CCDC18: variants seen among roughly 807,000 people sequenced by gnomAD.
CCDC18 encodes the protein coiled-coil domain containing 18.
A neutral mutation model predicts 196.0 loss-of-function variants in CCDC18; 157 were observed. That is an observed-to-expected ratio of 0.80 (90% confidence interval 0.70 to 0.91). CCDC18 has a LOEUF of 0.91. Among genes scored for constraint, CCDC18 ranks in the 40% least tolerant of loss-of-function variants. CCDC18 has a pLI of 0.00. For synonymous variants in CCDC18, 482 were observed against 529.2 expected (o/e 0.91, Z 1.22); for missense variants, 1,465 against 1,611.6 (o/e 0.91, Z 1.56).
In CCDC18 at chr1:93,239,327, T is replaced by C. The variant is rs1557674462; in HGVS notation, c.2621T>C (p.Met874Thr). 3 of 1,593,094 alleles carry C rather than the reference T, an allele frequency of 1.9e-6. No individual in the cohort carries two copies. Among genetic ancestry groups the C allele is most frequent in the Non-Finnish European group, 2.6e-6 (3 of 1,170,824 alleles). Residue 874 changes from methionine (M) to threonine (T), a missense_variant, in exon 20 of 29, where the codon ATG (methionine) becomes ACG (threonine). Transcript: ENST00000690025. The stretch of plus-strand genomic sequence containing the variant: ...TTAATTAGGCAAGTAAAGATTGAGA[T>C]GGATCAGTACAAAGAAGAGCTGTCT... ...TGTARQVKIE[M>T]DQYKEELSKM...
chr1:93,180,911 AC>A (rs1553161512), intron 1 of CCDC18, 59 bp downstream of exon 1: 2 of 1,350,820 alleles, frequency 1.5e-6, no homozygotes, highest in African/African-American at 3.0e-5. Flanking sequence ...GCGTGGGGAA[AC>A]CGGCTTACCT....
At chr1:93,247,114 A>G (rs1258418505) in intron 23 of CCDC18, among the ~76,000 whole-genome samples, 160 bp downstream of exon 23, 2 of 151,940 alleles carry the variant, frequency 1.3e-5, no homozygotes, top group African/African-American at 4.8e-5. Context: ...GCTGGAGAGC[A>G]GTGACACGTG....
intron 16 of CCDC18, among the ~76,000 whole-genome samples, chr1:93,225,130 C>G (rs1658071911): frequency 6.6e-6 from 1 of 152,048 alleles, no homozygotes; most frequent in Non-Finnish European, 1.5e-5. Context: ...GCTAAGAAAT[C>G]TAAGATTTCT....
chr1:93,215,438 TTTTTTCTTTTC>T (rs1252320497), intron 12 of CCDC18, among the ~76,000 whole-genome samples: 1 of 150,762 alleles, frequency 6.6e-6, no homozygotes, highest in African/African-American at 2.5e-5. Context: ...AAGAGTCTGC[TTTTTTCTTTTC>T]TTTTTCTTTT....
At chr1:93,207,503 C>A in intron 9 of CCDC18, 105 bp downstream of exon 9, 1 of 799,412 alleles carries the variant, frequency 1.3e-6, no homozygotes, top group Non-Finnish European at 1.9e-6. Flanking sequence ...TTCTTTTTCT[C>A]TATACTTTTA....
At chr1:93,243,292 T>G (rs1236188781) in intron 21 of CCDC18, among the ~76,000 whole-genome samples, 3 of 152,270 alleles carry the variant, frequency 2.0e-5, no homozygotes, top group African/African-American at 7.2e-5. Flanking sequence ...GGGTAGAAGC[T>G]GCCAAGGCAT....
chr1:93,240,948 A>T (rs1660689505), intron 21 of CCDC18, among the ~76,000 whole-genome samples: 2 of 152,038 alleles, frequency 1.3e-5, no homozygotes, highest in African/African-American at 4.8e-5. Context: ...AAGCCATGTC[A>T]ACTTTATTTC....
intron 5 of CCDC18, 68 bp downstream of exon 5, chr1:93,192,174 A>C: frequency 2.8e-6 from 3 of 1,068,354 alleles, no homozygotes; most frequent in Non-Finnish European, 2.8e-6. Context: ...ATCTTGTTAA[A>C]TCTTGTTCCC....
At chr1:93,268,224 T>C (rs904667226) in intron 27 of CCDC18, among the ~76,000 whole-genome samples, 2 of 152,262 alleles carry the variant, frequency 1.3e-5, no homozygotes, top group Non-Finnish European at 2.9e-5. Flanking sequence ...GCTAGCCATA[T>C]GTAGAAAGGT....
At chr1:93,216,781 G>T in intron 13 of CCDC18, 35 bp downstream of exon 13, 2 of 1,081,350 alleles carry the variant, frequency 1.8e-6, no homozygotes, top group South Asian at 2.9e-5. Context: ...AATTTACTGT[G>T]ATTTTTAGGC....
chr1:93,207,253 G>C lies in CCDC18; in HGVS notation c.1064G>C (p.Arg355Thr). The stretch of plus-strand genomic sequence containing the variant: ...TTAGAGAACAAAGACGAAATACTTA[G>C]AGACAAATTTTCTTTAATGAATGAA... ...SELENKDEILRDKFSLMNENR... is the reference protein window; with the variant it reads ...SELENKDEILTDKFSLMNENR... Residue 355 changes from arginine (R) to threonine (T), a missense_variant, in exon 9 of 29, where the codon AGA (arginine) becomes ACA (threonine). Transcript: ENST00000690025. 6.2e-7 allele frequency: 1 copy of C among 1,613,638 alleles called. No individual in the cohort carries two copies.
chr1:93,205,652 A>G (rs1654595063), intron 8 of CCDC18, 21 bp downstream of exon 8: 6 of 1,568,398 alleles, frequency 3.8e-6, no homozygotes, highest in Non-Finnish European at 5.2e-6. Flanking sequence ...CTGTTGTAGA[A>G]AAAGGATTTT....
intron 23 of CCDC18, among the ~76,000 whole-genome samples, chr1:93,249,028 G>C (rs1212818094): frequency 1.3e-5 from 2 of 150,332 alleles, no homozygotes; most frequent in African/African-American, 2.4e-5. Context: ...GAAATAGTTT[G>C]AGTAGAATTG....
chr1:93,260,476 T>C lies in CCDC18; in HGVS notation c.3684+1591T>C, dbSNP rs1663629407. Among the ~76,000 whole-genome samples the C allele has an allele frequency of 1.3e-5, 2 of 152,212 alleles. 1 individual carries two copies. The highest frequency in any genetic ancestry group is 3.8e-4 in the East Asian group (2 of 5,206). On this transcript the variant is annotated intron_variant, in intron 26 of 28. Coordinates refer to ENST00000690025, the MANE Select transcript of CCDC18 (RefSeq NM_001378204.1). ...ATTTTGTCTATAATATTGAAGTATATATTTTTACCTGTTTGGAAGTTGATA... is the reference window on the plus strand; with the variant it reads ...ATTTTGTCTATAATATTGAAGTATACATTTTTACCTGTTTGGAAGTTGATA...
Position 93,236,387 on chromosome 1 carries a change from C to T in CCDC18, c.2600C>T (p.Ala867Val). ...RQKVIELTGT[A>V]RQVKIEMDQY... Reference sequence around the variant, plus strand: ...AAAGTGATTGAGCTTACTGGCACTGCCAGGTAAAATGTGAATATGTTTTAT... The same window carrying T: ...AAAGTGATTGAGCTTACTGGCACTGTCAGGTAAAATGTGAATATGTTTTAT... The change falls in exon 19 of 29, where the codon GCC (alanine) becomes GTC (valine). Residue 867 changes from alanine to valine, a missense_variant. Physicochemically the swap from Ala to Val is moderately conservative, Grantham distance 64 (BLOSUM62 0). Transcript: ENST00000690025. The T allele has an allele frequency of 6.3e-7, 1 of 1,588,904 alleles. No homozygotes were observed. The highest frequency in any genetic ancestry group is 8.5e-7 in the Non-Finnish European group (1 of 1,172,072).
At chr1:93,230,908 G>C (rs534703927) in intron 17 of CCDC18, among the ~76,000 whole-genome samples, 7 of 152,288 alleles carry the variant, frequency 4.6e-5, no homozygotes, top group African/African-American at 1.7e-4. Flanking sequence ...AAACAAAACA[G>C]GTGATACTGA....
Position 93,201,916 on chromosome 1 carries a change from A to G in CCDC18, c.723A>G (p.Ala241=), listed in dbSNP as rs982599544. Residue 241 remains alanine, a synonymous_variant, in exon 7 of 29, where the codon GCA becomes GCG. Coordinates refer to ENST00000690025, the MANE Select transcript of CCDC18 (RefSeq NM_001378204.1). The part of the protein sequence containing the change: ...GKRAERQRNE[A]LYNAEELSKA... ...GAGCTGAACGACAAAGGAATGAAGC[A>G]CTATATAATGCCGAAGAGCTGAGTA... The G allele has an allele frequency of 6.2e-7, 1 of 1,601,280 alleles. No homozygotes were observed. The highest frequency in any genetic ancestry group is 8.5e-7 in the Non-Finnish European group (1 of 1,174,888).
intron 23 of CCDC18, among the ~76,000 whole-genome samples, chr1:93,250,949 A>G (rs1465940996): frequency 2.0e-5 from 3 of 152,222 alleles, no homozygotes; most frequent in African/African-American, 4.8e-5. Context: ...TAGTCCAGTT[A>G]CATTCAATGT....
chr1:93,252,936 GT>G (rs984094882), intron 23 of CCDC18, among the ~76,000 whole-genome samples: 6 of 152,252 alleles, frequency 3.9e-5, no homozygotes, highest in African/African-American at 1.4e-4. Context: ...AAGGGGTCAA[GT>G]TGCGTACTAA....
Sources: gnomAD v4.1 joint callset for allele counts (sites outside exome capture counted in the v4.1 genomes callset) on GRCh38, gnomAD v4.1.1 for gene constraint, MANE v1.5 for transcripts, NCBI Gene and HGNC (gene_info 2026-07-23, HGNC 2026-07-21) for gene names.